The following UGP2 variants were observed in gnomAD, a reference collection of about 807,000 sequenced individuals.
The protein encoded by UGP2 is UTP--glucose-1-phosphate uridylyltransferase.
UGP2 carries 40 observed loss-of-function variants against 49.0 expected under a neutral mutation model. That is an observed-to-expected ratio of 0.82 (90% CI 0.63 to 1.06). UGP2 has a LOEUF of 1.06. Ranked by LOEUF, UGP2 falls within the 50% of genes least tolerant of loss-of-function variation. UGP2 has a pLI of 0.00. For missense variants in UGP2, 460 were observed against 603.5 expected (o/e 0.76, Z 2.49); for synonymous variants, 225 against 213.0 (o/e 1.06, Z -0.49).
intron 1 of UGP2, chr2:63,855,432 A>C (rs1669324777): frequency 2.1e-6 from 1 of 480,030 alleles, no homozygotes; most frequent in African/African-American, 2.0e-5. Flanking sequence ...AGAAGTAAAT[A>C]AGATGATTAC....
At chr2:63,842,549 G>T (rs1156767958) in intron 1 of UGP2, 13 of 1,516,424 alleles carry the variant, frequency 8.6e-6, no homozygotes, top group Non-Finnish European at 8.8e-6. Context: ...GTACCTGTGC[G>T]TGCACGCAGA....
At chr2:63,867,689 T>A (rs1233037266) in intron 3 of UGP2, among the ~76,000 whole-genome samples, 2 of 152,252 alleles carry the variant, frequency 1.3e-5, no homozygotes, top group Non-Finnish European at 2.9e-5. Flanking sequence ...TTGTTATCAG[T>A]GTACTTAATT....
intron 1 of UGP2, among the ~76,000 whole-genome samples, chr2:63,844,098 A>C (rs4671535): frequency 0.14 from 21,069 of 152,234 alleles, 1,911 homozygotes; most frequent in Non-Finnish European, 0.19. Context: ...TTTCCTTTTA[A>C]GATGGGCAGT....
intron 3 of UGP2, among the ~76,000 whole-genome samples, chr2:63,869,922 A>AT (rs71393337): frequency 0.17 from 22,635 of 135,494 alleles, 2,620 homozygotes; most frequent in Non-Finnish European, 0.24. Context: ...ATTAAAATTA[A>AT]TTTTTTTTTT....
chr2:63,885,447 T>A, intron 5 of UGP2, 142 bp from the exon 6 acceptor site: 2 of 685,102 alleles, frequency 2.9e-6, no homozygotes, highest in Non-Finnish European at 4.3e-6. Context: ...TTTTCTTAAA[T>A]GGATTCACCT....
intron 1 of UGP2, 76 bp from the exon 2 acceptor site, chr2:63,856,230 A>C: frequency 1.3e-6 from 2 of 1,531,170 alleles, no homozygotes; most frequent in East Asian, 4.6e-5. Context: ...GAATACCAGA[A>C]ATCAGTTATA....
chr2:63,848,584 G>A (rs1019716047), intron 1 of UGP2, among the ~76,000 whole-genome samples: 3 of 152,124 alleles, frequency 2.0e-5, no homozygotes, highest in African/African-American at 7.2e-5. Flanking sequence ...GGCTGGTCTT[G>A]AACTCCTGAC....
At chr2:63,849,067 G>A (rs969880082) in intron 1 of UGP2, among the ~76,000 whole-genome samples, 2 of 152,068 alleles carry the variant, frequency 1.3e-5, no homozygotes, top group Middle Eastern at 3.2e-3. Flanking sequence ...TTTCATTTCC[G>A]TAAACATTTT....
chr2:63,853,827 G>A (rs1669198590), intron 1 of UGP2, among the ~76,000 whole-genome samples: 2 of 152,122 alleles, frequency 1.3e-5, no homozygotes, highest in Non-Finnish European at 2.9e-5. Context: ...TGAAATTTTA[G>A]TTCCTATGAA....
intron 3 of UGP2, 46 bp from the exon 4 acceptor site, chr2:63,882,420 C>G (rs756842955): frequency 6.9e-7 from 1 of 1,451,314 alleles, no homozygotes; most frequent in Non-Finnish European, 9.3e-7. Context: ...CTTTAACGTC[C>G]CTTAAAGCTG....
intron 4 of UGP2, among the ~76,000 whole-genome samples, chr2:63,883,033 A>C (rs1393479069): frequency 2.0e-5 from 3 of 152,170 alleles, no homozygotes; most frequent in Non-Finnish European, 4.4e-5. Context: ...CATGCATGCT[A>C]AGAACTGTTC....
At chr2:63,855,055 A>T (rs905374649) in intron 1 of UGP2, 1 of 155,892 alleles carries the variant, frequency 6.4e-6, no homozygotes, top group Non-Finnish European at 1.4e-5. Flanking sequence ...GGGAGCTTCT[A>T]AAATGTTTTG....
Position 63,891,100 on chromosome 2 carries a change from T to A in UGP2, c.1420-20T>A, listed in dbSNP as rs201702664. The A allele has an allele frequency of 6.2e-7, 1 of 1,601,078 alleles. No individual in the cohort carries two copies. The highest frequency in any genetic ancestry group is 2.2e-5 in the East Asian group (1 of 44,690). Reference sequence around the variant, plus strand: ...GCATTTCAGTTGCAAGTACACTCTTTTGTTTTCCCTGTCACTTAGGGAACG... The same window carrying A: ...GCATTTCAGTTGCAAGTACACTCTTATGTTTTCCCTGTCACTTAGGGAACG... On this transcript the variant is annotated intron_variant, in intron 9 of 9. Transcript: ENST00000337130.
chr2:63,874,897 A>T (rs1670812224), intron 3 of UGP2, among the ~76,000 whole-genome samples: 1 of 152,076 alleles, frequency 6.6e-6, no homozygotes, highest in Non-Finnish European at 1.5e-5. Context: ...TGCTCACCAG[A>T]AGCAGATGCT....
chr2:63,850,064 A>G (rs1364914738), intron 1 of UGP2, among the ~76,000 whole-genome samples: 1 of 152,196 alleles, frequency 6.6e-6, no homozygotes, highest in African/African-American at 2.4e-5. Context: ...ATTATTTAAC[A>G]AATCTCTTCT....
intron 3 of UGP2, among the ~76,000 whole-genome samples, chr2:63,864,200 A>G (rs1363080398): frequency 2.0e-5 from 3 of 152,162 alleles, no homozygotes; most frequent in Admixed American, 2.0e-4. Flanking sequence ...TTTAATATTC[A>G]TAACAGACCT....
chr2:63,887,278 A>T, intron 7 of UGP2, 124 bp from the exon 8 acceptor site: 2 of 1,406,240 alleles, frequency 1.4e-6, no homozygotes, highest in Admixed American at 2.3e-5. Context: ...AAAAAAAAAA[A>T]ATTTTTTTTT....
intron 3 of UGP2, among the ~76,000 whole-genome samples, chr2:63,872,916 T>C (rs1231725852): frequency 6.6e-6 from 1 of 152,180 alleles, no homozygotes; most frequent in East Asian, 1.9e-4. Context: ...GTGTCTGTGA[T>C]GCTAGCCAGC....
At chr2:63,848,791 T>C (rs78932132) in intron 1 of UGP2, among the ~76,000 whole-genome samples, 1,526 of 152,360 alleles carry the variant, frequency 0.01, 5 homozygotes, top group Non-Finnish European at 0.016. Context: ...GGGTGACTTA[T>C]GTGTGAGAAA....
Sources: allele counts gnomAD v4.1 joint callset (sites outside exome capture counted in the v4.1 genomes callset), GRCh38; gene constraint gnomAD v4.1.1; transcripts MANE v1.5; gene names NCBI Gene and HGNC (gene_info 2026-07-23, HGNC 2026-07-21).